Variants in TTC7B observed in about 807,000 individuals in gnomAD.
TTC7B encodes tetratricopeptide repeat domain 7B.
TTC7B carries 28 observed loss-of-function variants against 106.8 expected under a neutral mutation model. The ratio of observed to expected loss-of-function variants is 0.26; its 90% CI spans 0.19 to 0.36. The LOEUF is 0.36. Among genes scored for constraint, TTC7B ranks in the 10% least tolerant of loss-of-function variants. TTC7B has a pLI of 1.00. For synonymous variants in TTC7B, 405 were observed against 430.6 expected (o/e 0.94, Z 0.74); for missense variants, 862 against 1,076.4 (o/e 0.80, Z 2.79).
At position 90,663,338 on chromosome 14, in the gene TTC7B, C is replaced by T. The variant is rs1886281148; in HGVS notation, c.1153-4951G>A. Among the ~76,000 whole-genome samples, 1 of 152,170 alleles carries T rather than the reference C, an allele frequency of 6.6e-6. No homozygotes were observed. The highest frequency in any genetic ancestry group is 1.5e-5 in the Non-Finnish European group (1 of 68,034). The stretch of plus-strand genomic sequence containing the variant: ...GAAACTTTAATTATATTGTGCCACT[C>T]ACACTTCATTTATCAGGCCCACTCA... On this transcript the variant is annotated intron_variant, in intron 9 of 19. Transcript: ENST00000328459. This position sits in a 1 kb window ranked among gnomAD's most constrained non-coding sequence, Gnocchi z 4.5.
At chr14:90,673,579 A>T (rs1446423017) in intron 9 of TTC7B, among the ~76,000 whole-genome samples, 1 of 152,262 alleles carries the variant, frequency 6.6e-6, no homozygotes, top group Non-Finnish European at 1.5e-5. Flanking sequence ...AATGATAAAA[A>T]TGATAATTAC....
chr14:90,741,249 G>A (rs1443147030), intron 4 of TTC7B, among the ~76,000 whole-genome samples: 1 of 152,094 alleles, frequency 6.6e-6, no homozygotes, highest in Non-Finnish European at 1.5e-5. Flanking sequence ...GAACATCACT[G>A]AACATCCCCA....
rs1889256218 is a variant in TTC7B, at chr14:90,530,422, C to T, written c.*10946G>A. The stretch of plus-strand genomic sequence containing the variant: ...GACTATGGTAAGTGAAATGATGGTC[C>T]CAAAAGATGCCTGCATCCTACTTTC... On this transcript the variant is annotated 3_prime_UTR_variant, in exon 20 of 20. Coordinates refer to ENST00000328459, the MANE Select transcript of TTC7B (RefSeq NM_001010854.2). The T allele has an allele frequency of 6.6e-6, 1 of 152,120 alleles. No individual in the cohort carries two copies. The highest frequency in any genetic ancestry group is 6.5e-5 in the Admixed American group (1 of 15,280). The allele number at this position is 152,120 out of a possible 1,614,324, so 9.4% of individuals were successfully genotyped here.
chr14:90,724,182 G>C (rs1889001682), intron 5 of TTC7B, among the ~76,000 whole-genome samples: 1 of 152,172 alleles, frequency 6.6e-6, no homozygotes, highest in South Asian at 2.1e-4. Context: ...TTCCAGCAGA[G>C]CAGTGCTCCT....
At position 90,676,936 on chromosome 14, in the gene TTC7B, C is replaced by T. The variant is rs73328827; in HGVS notation, c.1015-276G>A. On this transcript the variant is annotated intron_variant, in intron 8 of 19. Transcript: ENST00000328459. ...GGCATCTGGAGGAAGCCTTGGCAGC[C>T]GATACAAAGTTTTCCCTGGCCTCGG... Among the ~76,000 whole-genome samples, 1,166 of 152,256 alleles carry T rather than the reference C, an allele frequency of 7.7e-3. 17 individuals carry two copies. The highest frequency in any genetic ancestry group is 0.026 in the African/African-American group (1,071 of 41,534).
rs902670859 is a variant in TTC7B at position 90,570,509 on chromosome 14, T to A, written c.2310+7597A>T. Among the ~76,000 whole-genome samples, 6 of 151,786 alleles carry A rather than the reference T, an allele frequency of 4.0e-5. No homozygotes were observed. The highest frequency in any genetic ancestry group is 2.6e-4 in the Admixed American group (4 of 15,248). ...ATGCACTCTCCCACCCTTTTCCACC[T>A]CAAAACCAGGGCCCTGGCTCTGCAG... On this transcript the variant is annotated intron_variant, in intron 19 of 19. Transcript: ENST00000328459. This position sits in a 1 kb window ranked among gnomAD's most constrained non-coding sequence, Gnocchi z 4.0.
intron 1 of TTC7B, among the ~76,000 whole-genome samples, chr14:90,799,821 T>A (rs565946357): frequency 5.9e-5 from 9 of 152,132 alleles, no homozygotes; most frequent in Non-Finnish European, 1.0e-4. Flanking sequence ...ATGCTCTGAT[T>A]TAAGTTTTTT....
chr14:90,740,328 G>A (rs772799460), intron 4 of TTC7B, among the ~76,000 whole-genome samples: 25 of 151,902 alleles, frequency 1.6e-4, no homozygotes, highest in African/African-American at 4.1e-4. Context: ...GCACCGCCCC[G>A]GAAGCACACA....
intron 1 of TTC7B, among the ~76,000 whole-genome samples, chr14:90,813,234 C>T (rs1412804387): frequency 1.3e-5 from 2 of 152,218 alleles, no homozygotes; most frequent in African/African-American, 4.8e-5. Context: ...CTCCAAAGCA[C>T]CTATTCACCT....
chr14:90,555,220 C>T (rs916355264), intron 19 of TTC7B, among the ~76,000 whole-genome samples: 40 of 152,304 alleles, frequency 2.6e-4, no homozygotes, highest in African/African-American at 9.6e-4. Context: ...GACCCCACGG[C>T]TCAGCACTCC....
At chr14:90,709,525 G>A (rs1159525549) in intron 5 of TTC7B, among the ~76,000 whole-genome samples, 7 of 131,394 alleles carry the variant, frequency 5.3e-5, no homozygotes, top group African/African-American at 1.2e-4. Context: ...ATCACACACC[G>A]GGGACTGTTG....
intron 5 of TTC7B, among the ~76,000 whole-genome samples, chr14:90,705,727 T>A (rs1025373038): frequency 1.3e-5 from 2 of 152,096 alleles, no homozygotes; most frequent in Non-Finnish European, 2.9e-5. Context: ...CTACCCTGAC[T>A]TTTCTGGTTA....
chr14:90,718,867 C>CTA (rs1888766019), intron 5 of TTC7B, among the ~76,000 whole-genome samples: 1 of 84,196 alleles, frequency 1.2e-5, no homozygotes, highest in Non-Finnish European at 2.9e-5. Flanking sequence ...CCAAGTGGAA[C>CTA]TTAGGTTCTA....
intron 12 of TTC7B, among the ~76,000 whole-genome samples, chr14:90,654,529 A>G (rs1885865708): frequency 6.6e-6 from 1 of 152,148 alleles, no homozygotes; most frequent in Non-Finnish European, 1.5e-5. Flanking sequence ...ACATGTACAT[A>G]TCTACAAATT....
chr14:90,798,457 G>C (rs917960125), intron 1 of TTC7B, among the ~76,000 whole-genome samples: 8 of 152,122 alleles, frequency 5.3e-5, no homozygotes, highest in African/African-American at 1.7e-4. Context: ...CAATAGGCCG[G>C]ACTAGGTGGC....
intron 1 of TTC7B, among the ~76,000 whole-genome samples, chr14:90,789,052 C>T (rs577247443): frequency 2.4e-4 from 37 of 152,172 alleles, no homozygotes; most frequent in African/African-American, 8.9e-4. Flanking sequence ...TAGACCAGTG[C>T]TGTTCAATAG....
Position 90,570,695 on chromosome 14 carries a change from A to G in TTC7B, c.2310+7411T>C, listed in dbSNP as rs981339955. Among the ~76,000 whole-genome samples, 6 of 152,182 alleles carry G rather than the reference A, an allele frequency of 3.9e-5. No homozygotes were observed. The highest frequency in any genetic ancestry group is 2.1e-4 in the South Asian group (1 of 4,832). ...CCAGGAGATGACTCACTCACTGTCA[A>G]ACAGACGCAAAGGATCTCCCAGCCC... On this transcript the variant is annotated intron_variant, in intron 19 of 19. Coordinates refer to ENST00000328459, the MANE Select transcript of TTC7B (RefSeq NM_001010854.2). This position sits in a 1 kb window ranked among gnomAD's most constrained non-coding sequence, Gnocchi z 4.0.
At chr14:90,737,639 C>CA (rs1225354382) in intron 4 of TTC7B, among the ~76,000 whole-genome samples, 1 of 150,428 alleles carries the variant, frequency 6.6e-6, no homozygotes, top group Non-Finnish European at 1.5e-5. Flanking sequence ...CTGCAACCTC[C>CA]ACCTGCCAGT....
At chr14:90,811,745 C>T (rs2030910900) in intron 1 of TTC7B, among the ~76,000 whole-genome samples, 1 of 152,352 alleles carries the variant, frequency 6.6e-6, no homozygotes, top group South Asian at 2.1e-4. Context: ...TAGGATCCGA[C>T]AGGCAATGAT....
Sources: gnomAD v4.1 joint callset for allele counts (sites outside exome capture counted in the v4.1 genomes callset) on GRCh38, gnomAD v4.1.1 for gene constraint, Gnocchi (gnomAD v3.1) non-coding constraint, MANE v1.5 for transcripts, NCBI Gene and HGNC (gene_info 2026-07-23, HGNC 2026-07-21) for gene names.